Variants in TRAPPC9 observed in about 807,000 individuals in gnomAD.
The protein encoded by TRAPPC9 is IKK2 binding protein.
TRAPPC9 carries 83 observed loss-of-function variants against 124.0 expected under a neutral mutation model. The ratio of observed to expected loss-of-function variants is 0.67; its 90% CI spans 0.56 to 0.80. The LOEUF (loss-of-function observed/expected upper bound fraction) is 0.80, where lower values mean the gene tolerates loss of function less well. Ranked by LOEUF, TRAPPC9 falls within the 30% of genes least tolerant of loss-of-function variation. The pLI, the probability that TRAPPC9 is intolerant of heterozygous loss-of-function variation, is 0.00. For synonymous variants in TRAPPC9, 638 were observed against 617.5 expected (o/e 1.03, Z -0.49); for missense variants, 1,302 against 1,508.3 (o/e 0.86, Z 2.27).
At chr8:140,213,761 G>A (rs1268607932) in intron 17 of TRAPPC9, among the ~76,000 whole-genome samples, 6 of 152,360 alleles carry the variant, frequency 3.9e-5, no homozygotes, top group African/African-American at 9.6e-5. Flanking sequence ...GAGCTTAAGG[G>A]AGGCCTGGCC....
Position 140,320,288 on chromosome 8 carries a change from A to T in TRAPPC9, c.1496-8914T>A, listed in dbSNP as rs138331135. 5.9e-4 allele frequency among the ~76,000 whole-genome samples: 90 copies of T among 152,352 alleles called. No individual in the cohort carries two copies. The East Asian group carries it at 0.013, about 21-fold the overall frequency. On this transcript the variant is annotated intron_variant, in intron 9 of 22. Transcript: ENST00000438773. ...CAGGGCTTTGTCCCCTGGTGTCTAC[A>T]TAAGTGGAAAACAAAACAAAAGGAA...
At chr8:140,165,398 G>C (rs1587841117) in intron 17 of TRAPPC9, among the ~76,000 whole-genome samples, 1 of 107,108 alleles carries the variant, frequency 9.3e-6, no homozygotes, top group South Asian at 5.0e-4. Context: ...AATTAGCCAG[G>C]CATGGTGGTG....
chr8:139,740,752 C>G (rs1375429819), intron 21 of TRAPPC9, among the ~76,000 whole-genome samples: 2 of 152,206 alleles, frequency 1.3e-5, no homozygotes, highest in Non-Finnish European at 2.9e-5. Context: ...GGGGACGGGG[C>G]CCCAACTGGA....
chr8:140,089,840 G>A (rs1391128189), intron 17 of TRAPPC9, among the ~76,000 whole-genome samples: 1 of 152,060 alleles, frequency 6.6e-6, no homozygotes, highest in East Asian at 1.9e-4. Context: ...AACACTTTGG[G>A]AGGCCGAGGC....
chr8:139,946,901 C>T (rs903273541), intron 19 of TRAPPC9, among the ~76,000 whole-genome samples: 2 of 151,932 alleles, frequency 1.3e-5, no homozygotes, highest in African/African-American at 2.4e-5. Context: ...GCAGGAGAAT[C>T]GCTTGAACCC....
rs2131506369 is a variant in TRAPPC9, at chr8:140,252,828, C to T, written c.2380G>A (p.Val794Met). 6.2e-7 allele frequency: 1 copy of T among 1,614,164 alleles called. No individual in the cohort carries two copies. Among genetic ancestry groups the T allele is most frequent in the African/African-American group, 1.3e-5 (1 of 75,038 alleles). ...KVATFTINIKVKLDFSCQENL... is the reference protein window; with the variant it reads ...KVATFTINIKMKLDFSCQENL... ...TCCTGGCAGGAGAAATCCAGCTTCACTTTGATGTTGATTGTGAACGTGGCC... is the reference window on the plus strand; with the variant it reads ...TCCTGGCAGGAGAAATCCAGCTTCATTTTGATGTTGATTGTGAACGTGGCC... Residue 794 changes from valine (V) to methionine (M), a missense_variant, in exon 16 of 23, where the codon GTG (valine) becomes ATG (methionine). This residue lies in a region of TRAPPC9 where 640 missense variants were observed against 679.3 expected (regional missense o/e 0.94). Coordinates refer to ENST00000438773, the MANE Select transcript of TRAPPC9 (RefSeq NM_001160372.4). This position sits in a 1 kb window ranked among gnomAD's most constrained non-coding sequence, Gnocchi z 4.2.
chr8:140,377,471 G>C (rs1370168162), intron 7 of TRAPPC9, among the ~76,000 whole-genome samples: 1 of 152,018 alleles, frequency 6.6e-6, no homozygotes, highest in Non-Finnish European at 1.5e-5. Context: ...GCTACTTTTT[G>C]TATTTTTAGT....
At chr8:140,402,704 AAAAGAAAG>A (rs949529680) in intron 6 of TRAPPC9, among the ~76,000 whole-genome samples, 1 of 152,136 alleles carries the variant, frequency 6.6e-6, no homozygotes, top group Admixed American at 6.5e-5. Flanking sequence ...TCAAAAAAAA[AAAAGAAAG>A]AAAGAAAGAA....
chr8:140,378,853 G>T (rs538068349), intron 7 of TRAPPC9, among the ~76,000 whole-genome samples: 1 of 152,156 alleles, frequency 6.6e-6, no homozygotes, highest in South Asian at 2.1e-4. Context: ...GGCTTCCAAG[G>T]CCTACTGACT....
At chr8:139,796,057 AGAGGAAGAAGAG>A (rs1823049583) in intron 21 of TRAPPC9, among the ~76,000 whole-genome samples, 1 of 132,302 alleles carries the variant, frequency 7.6e-6, no homozygotes, top group African/African-American at 3.4e-5. Flanking sequence ...AGGAGGAGGA[AGAGGAAGAAGAG>A]GAGGAGGAAG....
intron 21 of TRAPPC9, among the ~76,000 whole-genome samples, chr8:139,768,902 C>G (rs1820763080): frequency 6.6e-6 from 1 of 152,162 alleles, no homozygotes; most frequent in Non-Finnish European, 1.5e-5. Flanking sequence ...GCCCAATCCT[C>G]TCGGACTGGT....
In TRAPPC9 at chr8:139,991,588, G is replaced by GTT. The variant is rs35364219; in HGVS notation, c.2700-2754_2700-2753dup. Among the ~76,000 whole-genome samples, 288 of 142,910 alleles carry GTT rather than the reference G, an allele frequency of 2.0e-3. 2 individuals are homozygous for GTT. In the South Asian group the frequency reaches 0.023, roughly 11 times the overall value. 93.8% of individuals were successfully genotyped at this position (142,910 alleles called of 152,430 possible). On this transcript the variant is annotated intron_variant, in intron 18 of 22. Transcript: ENST00000438773. ...TAATTCTTGTTTGCTTTTTGGGTTT[G>GTT]TTTTTTTTTTTTTCTGGACACATCT...
chr8:140,024,874 T>C (rs1840041989), intron 17 of TRAPPC9, among the ~76,000 whole-genome samples: 1 of 152,160 alleles, frequency 6.6e-6, no homozygotes, highest in Non-Finnish European at 1.5e-5. Context: ...TCACTTGGGC[T>C]GACAGTGAGT....
intron 7 of TRAPPC9, among the ~76,000 whole-genome samples, chr8:140,394,363 C>T (rs559053926): frequency 6.6e-6 from 1 of 152,198 alleles, no homozygotes; most frequent in Admixed American, 6.5e-5. Context: ...ACTTGCCCAT[C>T]GCAGAGTCAC....
intron 21 of TRAPPC9, among the ~76,000 whole-genome samples, chr8:139,850,360 C>T (rs565918684): frequency 1.6e-4 from 24 of 152,308 alleles, no homozygotes; most frequent in Admixed American, 6.5e-4. Context: ...GCTCCTGACT[C>T]GCAGAGTTCA....
In TRAPPC9 at chr8:140,024,065, G is replaced by C. The variant is rs142325146; in HGVS notation, c.2571C>G (p.Val857=). The C allele has an allele frequency of 6.2e-7, 1 of 1,613,702 alleles. No homozygotes were observed. The highest frequency in any genetic ancestry group is 2.2e-5 in the East Asian group (1 of 44,862). Residue 857 remains valine (V), a synonymous_variant, in exon 18 of 23, where the codon GTC becomes GTG. Coordinates refer to ENST00000438773, the MANE Select transcript of TRAPPC9 (RefSeq NM_001160372.4). ...GGCCTCCAGAGTATTTGAAATTCAG[G>C]ACAGCTTCCAGGGTCTAAAAGATAT... ...DYSHVKTLEA[V]LNFKYSGGPG... is the part of the protein sequence containing the mutation.
At chr8:140,090,923 C>T (rs190137193) in intron 17 of TRAPPC9, among the ~76,000 whole-genome samples, 213 of 152,276 alleles carry the variant, frequency 1.4e-3, no homozygotes, top group African/African-American at 4.7e-3. Context: ...CTCCAGAAGC[C>T]GGACTGGTGT....
intron 5 of TRAPPC9, among the ~76,000 whole-genome samples, chr8:140,412,378 A>G (rs1327029754): frequency 6.6e-6 from 1 of 152,228 alleles, no homozygotes; most frequent in East Asian, 1.9e-4. Flanking sequence ...TAAACACTAA[A>G]TGCCGTGTGT....
chr8:140,173,671 G>A (rs1011067763), intron 17 of TRAPPC9, among the ~76,000 whole-genome samples: 2 of 152,148 alleles, frequency 1.3e-5, no homozygotes, highest in Non-Finnish European at 2.9e-5. Flanking sequence ...CCTCCAGTAG[G>A]GGACTCGCTT....
Sources: gnomAD v4.1 joint callset for allele counts (sites outside exome capture counted in the v4.1 genomes callset) on GRCh38, gnomAD v4.1.1 for gene constraint, gnomAD v4.1.1 regional missense constraint, Gnocchi (gnomAD v3.1) non-coding constraint, MANE v1.5 for transcripts, NCBI Gene and HGNC (gene_info 2026-07-23, HGNC 2026-07-21) for gene names.